Variants in VGLL4 observed in about 807,000 individuals in gnomAD.
VGLL4 encodes transcription cofactor vestigial-like protein 4.
Under a neutral mutation model 21.0 loss-of-function variants are expected in VGLL4, and 7 were observed. That is an observed-to-expected ratio of 0.33 (90% CI 0.19 to 0.63). The LOEUF (loss-of-function observed/expected upper bound fraction) is 0.63. VGLL4 is among the 20% of genes least tolerant of loss of function. The probability of loss-of-function intolerance (pLI) is 0.78; values close to 1 mark genes in which losing one functional copy is unlikely to be tolerated. For missense variants in VGLL4, 394 were observed against 425.7 expected, an observed-to-expected ratio of 0.93 and a Z score of 0.66; for synonymous variants, 222 against 173.2, an observed-to-expected ratio of 1.28 and a Z score of -2.21.
intron 2 of VGLL4, among the ~76,000 whole-genome samples, chr3:11,594,292 CT>C (rs1319911129): frequency 3.3e-5 from 5 of 152,216 alleles, no homozygotes; most frequent in African/African-American, 9.6e-5. Context: ...ACATCATCCT[CT>C]CACAAACTCA....
intron 3 of VGLL4, among the ~76,000 whole-genome samples, chr3:11,562,155 C>A (rs1223482783): frequency 1.3e-5 from 2 of 152,130 alleles, no homozygotes; most frequent in African/African-American, 2.4e-5. Context: ...CCTCAACCCC[C>A]CAAAGGGCTG....
intron 2 of VGLL4, among the ~76,000 whole-genome samples, chr3:11,682,395 A>C (rs1265586548): frequency 9.1e-6 from 1 of 110,218 alleles, no homozygotes; most frequent in Non-Finnish European, 1.8e-5. Context: ...ACAGTACAAG[A>C]CCCTGTCTCA....
chr3:11,657,403 T>C (rs2075973664), intron 2 of VGLL4, among the ~76,000 whole-genome samples: 1 of 152,174 alleles, frequency 6.6e-6, no homozygotes, highest in Non-Finnish European at 1.5e-5. Flanking sequence ...AATGAGAGCT[T>C]CACCTCCCAA....
intron 2 of VGLL4, among the ~76,000 whole-genome samples, chr3:11,592,912 A>G (rs755895069): frequency 2.6e-5 from 4 of 152,190 alleles, no homozygotes; most frequent in African/African-American, 4.8e-5. Flanking sequence ...TGTTACTAAC[A>G]AGCCCTGGAA....
At chr3:11,668,887 C>T (rs2076164694) in intron 2 of VGLL4, among the ~76,000 whole-genome samples, 1 of 146,324 alleles carries the variant, frequency 6.8e-6, no homozygotes, top group Non-Finnish European at 1.5e-5. Flanking sequence ...GCTGTCTTCA[C>T]CCTTCTCCAA....
At chr3:11,567,308 C>A (rs1343601797) in intron 2 of VGLL4, among the ~76,000 whole-genome samples, 2 of 152,156 alleles carry the variant, frequency 1.3e-5, no homozygotes, top group Non-Finnish European at 2.9e-5. Context: ...CCAAGAGAAC[C>A]CTGTCAGCCC....
At chr3:11,602,751 G>GT (rs904635497) in intron 1 of VGLL4, among the ~76,000 whole-genome samples, 2 of 152,128 alleles carry the variant, frequency 1.3e-5, no homozygotes, top group Non-Finnish European at 2.9e-5. Flanking sequence ...ACATCTTGGC[G>GT]TTTTTCATTA....
chr3:11,680,178 A>G (rs775273267), intron 2 of VGLL4, among the ~76,000 whole-genome samples: 5 of 152,148 alleles, frequency 3.3e-5, no homozygotes, highest in Non-Finnish European at 5.9e-5. Flanking sequence ...CTAGGTGTGC[A>G]GTGGGCTGAG....
At chr3:11,561,124 G>A (rs2072951594) in intron 3 of VGLL4, among the ~76,000 whole-genome samples, 1 of 140,610 alleles carries the variant, frequency 7.1e-6, no homozygotes, top group Non-Finnish European at 1.5e-5. Context: ...GGCTCTAGGA[G>A]ACCCCCCCCC....
intron 2 of VGLL4, among the ~76,000 whole-genome samples, chr3:11,574,912 G>A (rs371779667): frequency 5.9e-5 from 9 of 151,404 alleles, no homozygotes; most frequent in East Asian, 2.0e-4. Context: ...CATCTTATGC[G>A]CCTACATACA....
At chr3:11,680,230 G>A (rs992426870) in intron 2 of VGLL4, among the ~76,000 whole-genome samples, 6 of 152,248 alleles carry the variant, frequency 3.9e-5, no homozygotes, top group East Asian at 3.9e-4. Context: ...CACGCTCTGC[G>A]ATGTTCGCAG....
rs529266595 is a variant in VGLL4 at position 11,673,526 on chromosome 3, A to G, written c.64+29445T>C. Among the ~76,000 whole-genome samples the G allele has an allele frequency of 4.7e-4, 72 of 152,282 alleles. 1 individual carries two copies. The South Asian group carries it at 0.014, about 29-fold the overall frequency. On this transcript the variant is annotated intron_variant, in intron 2 of 5. Coordinates refer to the VGLL4 transcript ENST00000273038. ...AGAAAGGAAGCTGAGATATGAAAAT[A>G]TATCAGTGGAATCTAAGAAATATCC...
chr3:11,575,724 A>T (rs1025264408), intron 2 of VGLL4, among the ~76,000 whole-genome samples: 1 of 152,208 alleles, frequency 6.6e-6, no homozygotes, highest in Non-Finnish European at 1.5e-5. Flanking sequence ...CATTCTCCCT[A>T]TGGTGGCCCA....
rs138344862 is a variant in VGLL4, at chr3:11,576,496, C to T, written c.273-11477G>A. 3.7e-4 allele frequency among the ~76,000 whole-genome samples: 57 copies of T among 152,344 alleles called. 1 individual carries two copies. Among genetic ancestry groups the T allele is most frequent in the African/African-American group, 1.4e-3 (57 of 41,586 alleles). On this transcript the variant is annotated intron_variant, in intron 2 of 4. Coordinates refer to ENST00000430365, the MANE Select transcript of VGLL4 (RefSeq NM_001128219.3). ...AAAACACTCTATCTTTCCTTCCTCA[C>T]TGAGCTGCAGTGTCTGAGGTGGACA...
chr3:11,616,415 T>A (rs1370043073), intron 1 of VGLL4, among the ~76,000 whole-genome samples: 2 of 152,216 alleles, frequency 1.3e-5, no homozygotes, highest in Non-Finnish European at 2.9e-5. Flanking sequence ...CTAGGAAGCC[T>A]TCAGGCCACT....
chr3:11,689,673 T>A (rs1346383840), intron 2 of VGLL4, among the ~76,000 whole-genome samples: 1 of 152,190 alleles, frequency 6.6e-6, no homozygotes, highest in African/African-American at 2.4e-5. Flanking sequence ...CATTCACACT[T>A]TGGAATAAAA....
At chr3:11,560,126 G>C (rs140457675) in intron 3 of VGLL4, among the ~76,000 whole-genome samples, 47 of 151,836 alleles carry the variant, frequency 3.1e-4, no homozygotes, top group Middle Eastern at 3.4e-3. Flanking sequence ...ATCTCTCTCT[G>C]AAGCCTTTCA....
intron 1 of VGLL4, among the ~76,000 whole-genome samples, chr3:11,622,721 C>G (rs1261965786): frequency 2.6e-5 from 4 of 152,230 alleles, no homozygotes; most frequent in Non-Finnish European, 1.5e-5. Flanking sequence ...CCCTTATTCT[C>G]TCTGCGCCAT....
intron 2 of VGLL4, among the ~76,000 whole-genome samples, chr3:11,661,371 C>T (rs2125355134): frequency 6.6e-6 from 1 of 152,206 alleles, no homozygotes; most frequent in South Asian, 2.1e-4. Context: ...TCAATGAAGA[C>T]ACACCAGACA....
Sources: allele counts gnomAD v4.1 joint callset (sites outside exome capture counted in the v4.1 genomes callset), GRCh38; gene constraint gnomAD v4.1.1; transcripts MANE v1.5; gene names NCBI Gene and HGNC (gene_info 2026-07-23, HGNC 2026-07-21).